The following USH2A variants were observed in gnomAD, a reference collection of about 807,000 sequenced individuals.
USH2A encodes the protein usherin.
Under a neutral mutation model 538.9 loss-of-function variants are expected in USH2A, and 443 were observed. The observed-to-expected ratio is 0.82, with a 90% CI of 0.76 to 0.89. The LOEUF is 0.89. Among genes scored for constraint, USH2A ranks in the 40% least tolerant of loss-of-function variants. The pLI is 0.00. For missense variants in USH2A, 6,633 were observed against 6,324.8 expected, an observed-to-expected ratio of 1.05 and a Z score of -1.65; for synonymous variants, 2,413 against 2,273.5, an observed-to-expected ratio of 1.06 and a Z score of -1.75.
At chr1:216,189,581 A>G (rs965208369) in intron 20 of USH2A, among the ~76,000 whole-genome samples, 1 of 152,050 alleles carries the variant, frequency 6.6e-6, no homozygotes, top group Non-Finnish European at 1.5e-5. Context: ...CACAAATTAT[A>G]CAAACCATTT....
intron 68 of USH2A, 60 bp downstream of exon 68, chr1:215,640,498 T>A (rs758399125): frequency 3.4e-5 from 54 of 1,602,060 alleles, no homozygotes; most frequent in Middle Eastern, 2.2e-4. Flanking sequence ...AGATTTAGCA[T>A]CCCGTAAAGC....
chr1:216,012,559 T>C (rs553337104), intron 32 of USH2A, among the ~76,000 whole-genome samples: 1 of 152,288 alleles, frequency 6.6e-6, no homozygotes, highest in South Asian at 2.1e-4. Flanking sequence ...CTATACAGTC[T>C]GATAACAGAC....
intron 32 of USH2A, among the ~76,000 whole-genome samples, chr1:216,024,782 T>C (rs1668925234): frequency 6.6e-6 from 1 of 151,992 alleles, no homozygotes; most frequent in Admixed American, 6.6e-5. Flanking sequence ...GGTATCTGTT[T>C]TGAATTATAC....
At chr1:216,373,320 T>A (rs2038751443) in intron 3 of USH2A, among the ~76,000 whole-genome samples, 1 of 152,196 alleles carries the variant, frequency 6.6e-6, no homozygotes, top group Non-Finnish European at 1.5e-5. Context: ...TGAAAATATC[T>A]TGGAAGTCTC....
chr1:215,701,713 T>A (rs1024083522), intron 61 of USH2A, among the ~76,000 whole-genome samples: 8 of 152,188 alleles, frequency 5.3e-5, no homozygotes, highest in Non-Finnish European at 1.5e-5. Flanking sequence ...ATGTGTGTCT[T>A]TGCACGTGAG....
intron 3 of USH2A, among the ~76,000 whole-genome samples, chr1:216,401,214 ATATGTC>A (rs1011168114): frequency 3.3e-5 from 5 of 152,118 alleles, no homozygotes; most frequent in African/African-American, 1.2e-4. Context: ...GGAAGTAGTA[ATATGTC>A]CATGTCAGTA....
intron 69 of USH2A, among the ~76,000 whole-genome samples, chr1:215,637,982 G>A (rs942364423): frequency 5.9e-5 from 9 of 152,234 alleles, no homozygotes; most frequent in Non-Finnish European, 1.2e-4. Context: ...CAGAGACTAT[G>A]AGTAAAACTC....
At position 215,874,230 on chromosome 1, in the gene USH2A, C is replaced by G. The variant is rs185685813; in HGVS notation, c.8681+3528G>C. 2.0e-5 allele frequency among the ~76,000 whole-genome samples: 3 copies of G among 152,266 alleles called. No individual in the cohort carries two copies. The East Asian group carries it at 5.8e-4, about 29-fold the overall frequency. On this transcript the variant is annotated intron_variant, in intron 43 of 71. Transcript: ENST00000307340. ...AGGAAACCCAAAGTTATAGTTCCCC[C>G]AACAACCATAACTTGCTCACTTTGC...
chr1:215,953,980 C>G (rs1163659998), intron 37 of USH2A, among the ~76,000 whole-genome samples: 2 of 152,114 alleles, frequency 1.3e-5, no homozygotes, highest in African/African-American at 2.4e-5. Flanking sequence ...TCATCACTGG[C>G]CATGAGAGAA....
intron 16 of USH2A, among the ~76,000 whole-genome samples, chr1:216,204,900 A>G (rs2035078916): frequency 6.6e-6 from 1 of 152,204 alleles, no homozygotes; most frequent in Admixed American, 6.5e-5. Context: ...GCATTTTTTA[A>G]TGAAAAATAT....
rs1253043440 is a variant in USH2A at position 215,888,845 on chromosome 1, C to A, written c.7804G>T (p.Ala2602Ser). The A allele has an allele frequency of 6.2e-7, 1 of 1,614,014 alleles. No homozygotes were observed. Among genetic ancestry groups the A allele is most frequent in the African/African-American group, 1.3e-5 (1 of 74,908 alleles). The change falls in exon 41 of 72, where the codon GCC (alanine) becomes TCC (serine). Residue 2602 changes from alanine (A) to serine (S), a missense_variant. Transcript: ENST00000307340. ...AGGGAACATCCTTTTGAAGTGCAGG[C>A]TTCTACCTGAAACTTATAGGCAGTG... ...PYTAYKFQVE[A>S]CTSKGCSLSP...
chr1:216,269,187 G>GTGT (rs2036530884), intron 11 of USH2A, among the ~76,000 whole-genome samples: 1 of 152,092 alleles, frequency 6.6e-6, no homozygotes, highest in African/African-American at 2.4e-5. Flanking sequence ...GAATTCCTAT[G>GTGT]TGTTGTGGGG....
chr1:216,327,703 C>A, intron 4 of USH2A, 49 bp from the exon 5 acceptor site: 6 of 1,595,364 alleles, frequency 3.8e-6, no homozygotes. Context: ...GTTTACCAAG[C>A]AATACCTGAC....
chr1:215,901,508 G>A (rs1449653664), intron 38 of USH2A: 3 of 160,638 alleles, frequency 1.9e-5, no homozygotes, highest in Admixed American at 1.2e-4. Flanking sequence ...TTTTCCCTAT[G>A]TGTTTTATAC....
chr1:215,901,347 C>A, intron 38 of USH2A: 1 of 198,718 alleles, frequency 5.0e-6, no homozygotes, highest in Non-Finnish European at 1.1e-5. Flanking sequence ...TACATGTGAA[C>A]ACAATGGCTT....
At chr1:216,153,088 T>C (rs2033872005) in intron 21 of USH2A, among the ~76,000 whole-genome samples, 1 of 152,018 alleles carries the variant, frequency 6.6e-6, no homozygotes, top group South Asian at 2.1e-4. Context: ...CCCTTTCCAG[T>C]TTCCCATCCA....
At chr1:216,067,513 C>T (rs1449879521) in intron 30 of USH2A, among the ~76,000 whole-genome samples, 2 of 146,070 alleles carry the variant, frequency 1.4e-5, no homozygotes, top group Admixed American at 6.8e-5. Flanking sequence ...AAAAAAAAGG[C>T]TATGAAAAAG....
intron 46 of USH2A, among the ~76,000 whole-genome samples, chr1:215,843,107 C>G (rs1468939854): frequency 6.6e-6 from 1 of 151,960 alleles, no homozygotes; most frequent in Non-Finnish European, 1.5e-5. Context: ...TTGGTTGTAG[C>G]CAGATGATTA....
intron 4 of USH2A, among the ~76,000 whole-genome samples, chr1:216,364,449 A>C (rs911163220): frequency 2.6e-5 from 4 of 152,220 alleles, no homozygotes; most frequent in African/African-American, 9.6e-5. Flanking sequence ...TCTATTATCC[A>C]TCTGGAACCT....
Sources: gnomAD v4.1 joint callset for allele counts (sites outside exome capture counted in the v4.1 genomes callset) on GRCh38, gnomAD v4.1.1 for gene constraint, MANE v1.5 for transcripts, NCBI Gene and HGNC (gene_info 2026-07-23, HGNC 2026-07-21) for gene names.